The following TCF7L1 variants were observed in gnomAD, a reference collection of about 807,000 sequenced individuals.
TCF7L1 encodes transcription factor 7-like 1.
A neutral mutation model predicts 63.7 loss-of-function variants in TCF7L1; 18 were observed. The observed-to-expected ratio is 0.28, with a 90% CI of 0.20 to 0.42. TCF7L1 has a LOEUF of 0.42. TCF7L1 is among the 10% of genes least tolerant of loss of function. The probability of loss-of-function intolerance (pLI) is 1.00; values close to 1 mark genes in which losing one functional copy is unlikely to be tolerated. For synonymous variants in TCF7L1, 355 were observed against 340.9 expected, an observed-to-expected ratio of 1.04 and a Z score of -0.46; for missense variants, 654 against 779.3, an observed-to-expected ratio of 0.84 and a Z score of 1.91.
chr2:85,218,649 A>AG, intron 3 of TCF7L1, among the ~76,000 whole-genome samples: 1 of 147,358 alleles, frequency 6.8e-6, no homozygotes, highest in African/African-American at 2.5e-5. Context: ...TGGGGGGGGG[A>AG]AAACTGGTGA....
chr2:85,181,700 G>C (rs192454655), intron 3 of TCF7L1, among the ~76,000 whole-genome samples: 1 of 152,204 alleles, frequency 6.6e-6, no homozygotes, highest in African/African-American at 2.4e-5. Context: ...TGACTGGTCC[G>C]TGTGTCTGCA....
chr2:85,190,976 G>A (rs1417105892), intron 3 of TCF7L1, among the ~76,000 whole-genome samples: 1 of 152,140 alleles, frequency 6.6e-6, no homozygotes, highest in African/African-American at 2.4e-5. Flanking sequence ...GCTGCTGCCA[G>A]CATTAATGAC....
chr2:85,160,321 A>T (rs2104219125), intron 3 of TCF7L1, among the ~76,000 whole-genome samples: 1 of 152,200 alleles, frequency 6.6e-6, no homozygotes, highest in South Asian at 2.1e-4. Flanking sequence ...AAGACATGCA[A>T]ATCACCTCCA....
rs1679320429 is a variant in TCF7L1 at position 85,203,268 on chromosome 2, A to G, written c.441+68818A>G. Among the ~76,000 whole-genome samples, 6 of 152,182 alleles carry G rather than the reference A, an allele frequency of 3.9e-5. No individual in the cohort carries two copies. In the South Asian group the frequency reaches 1.2e-3, roughly 31 times the overall value. ...GTATTATGTGTATCTTAACACCAGA[A>G]CATGACCAGAACATTGCATGGCTCT... On this transcript the variant is annotated intron_variant, in intron 3 of 11. Transcript: ENST00000282111.
At chr2:85,219,855 G>A (rs1679804713) in intron 3 of TCF7L1, among the ~76,000 whole-genome samples, 1 of 152,202 alleles carries the variant, frequency 6.6e-6, no homozygotes, top group Non-Finnish European at 1.5e-5. Flanking sequence ...GGAGATCTGG[G>A]CTGAGGTATT....
At position 85,185,029 on chromosome 2, in the gene TCF7L1, G is replaced by C. The variant is rs142913023; in HGVS notation, c.441+50579G>C. On this transcript the variant is annotated intron_variant, in intron 3 of 11. Coordinates refer to ENST00000282111, the MANE Select transcript of TCF7L1 (RefSeq NM_031283.3). ...GGTTCTACCTGTGTCTTAGTTCTCT[G>C]ACTCCACATCTAGAGCTTGTTCTCT... Among the ~76,000 whole-genome samples the C allele has an allele frequency of 5.9e-3, 904 of 152,274 alleles. 12 individuals carry two copies. The highest frequency in any genetic ancestry group is 0.02 in the African/African-American group (847 of 41,536).
chr2:85,142,374 C>T (rs889771863), intron 3 of TCF7L1, among the ~76,000 whole-genome samples: 18 of 150,486 alleles, frequency 1.2e-4, no homozygotes, highest in East Asian at 9.9e-4. Context: ...GCCATGATCA[C>T]GCCACTGCAC....
intron 3 of TCF7L1, among the ~76,000 whole-genome samples, chr2:85,275,869 A>G (rs1453807214): frequency 5.4e-5 from 8 of 147,090 alleles, no homozygotes; most frequent in Non-Finnish European, 8.9e-5. Flanking sequence ...GCAGTGATCT[A>G]TGATTGCGCC....
At chr2:85,276,087 C>T (rs906788543) in intron 3 of TCF7L1, among the ~76,000 whole-genome samples, 1 of 152,170 alleles carries the variant, frequency 6.6e-6, no homozygotes, top group African/African-American at 2.4e-5. Context: ...ACTTTTGCCC[C>T]TGGAACTCTT....
chr2:85,139,626 C>A (rs1411815295), intron 3 of TCF7L1, among the ~76,000 whole-genome samples: 1 of 152,100 alleles, frequency 6.6e-6, no homozygotes, highest in Non-Finnish European at 1.5e-5. Context: ...CCAGGTAATT[C>A]TTGTTAATTT....
chr2:85,260,223 G>A (rs760682577), intron 3 of TCF7L1, among the ~76,000 whole-genome samples: 4 of 152,170 alleles, frequency 2.6e-5, no homozygotes, highest in Admixed American at 6.5e-5. Context: ...TGCTTACAGC[G>A]AACCAGATGC....
intron 4 of TCF7L1, among the ~76,000 whole-genome samples, chr2:85,297,028 A>G (rs1170173414): frequency 1.3e-5 from 2 of 152,236 alleles, no homozygotes; most frequent in African/African-American, 4.8e-5. Flanking sequence ...AAGGGTTTAG[A>G]AATGTTTTCC....
intron 3 of TCF7L1, among the ~76,000 whole-genome samples, chr2:85,173,656 G>A (rs1208429312): frequency 6.6e-6 from 1 of 152,118 alleles, no homozygotes; most frequent in Non-Finnish European, 1.5e-5. Flanking sequence ...CTGAGCAGTT[G>A]GAACTATAGG....
intron 4 of TCF7L1, among the ~76,000 whole-genome samples, chr2:85,288,381 G>A (rs2104374030): frequency 6.6e-6 from 1 of 152,300 alleles, no homozygotes; most frequent in South Asian, 2.1e-4. Context: ...CGGAGTGGAA[G>A]GAGGACCTAG....
At chr2:85,194,215 C>T (rs961141084) in intron 3 of TCF7L1, among the ~76,000 whole-genome samples, 7 of 152,072 alleles carry the variant, frequency 4.6e-5, no homozygotes, top group Non-Finnish European at 7.4e-5. Flanking sequence ...TGTGGGCAGA[C>T]TCTAAGGCAT....
At chr2:85,265,562 G>A (rs1357869225) in intron 3 of TCF7L1, among the ~76,000 whole-genome samples, 1 of 152,156 alleles carries the variant, frequency 6.6e-6, no homozygotes, top group Non-Finnish European at 1.5e-5. Flanking sequence ...AAGGACTCGT[G>A]CAGCTGGCAG....
intron 3 of TCF7L1, among the ~76,000 whole-genome samples, chr2:85,184,048 G>A (rs775252869): frequency 4.6e-5 from 7 of 152,190 alleles, no homozygotes; most frequent in African/African-American, 7.2e-5. Context: ...GGAAAGCTAG[G>A]CCTAAGTTCT....
At chr2:85,267,563 C>A (rs1462691779) in intron 3 of TCF7L1, among the ~76,000 whole-genome samples, 1 of 150,642 alleles carries the variant, frequency 6.6e-6, no homozygotes, top group Non-Finnish European at 1.5e-5. Flanking sequence ...GCAGGAAAAT[C>A]ACTTGAGCCC....
intron 3 of TCF7L1, among the ~76,000 whole-genome samples, chr2:85,153,442 C>T (rs533071105): frequency 1.2e-3 from 179 of 146,608 alleles, no homozygotes; most frequent in African/African-American, 4.4e-3. Flanking sequence ...CCCGGGTTCA[C>T]GCCATTCTCC....
Sources: allele counts gnomAD v4.1 joint callset (sites outside exome capture counted in the v4.1 genomes callset), GRCh38; gene constraint gnomAD v4.1.1; transcripts MANE v1.5; gene names NCBI Gene and HGNC (gene_info 2026-07-23, HGNC 2026-07-21).